The following GALNT17 variants were observed in gnomAD, a reference collection of about 807,000 sequenced individuals.
The protein encoded by GALNT17 is UDP-GalNAc:polypeptide N-acetylgalactosaminyltransferase-like 3.
GALNT17 carries 29 observed loss-of-function variants against 63.7 expected under a neutral mutation model. The observed-to-expected ratio is 0.46, with a 90% CI of 0.34 to 0.62. The LOEUF (loss-of-function observed/expected upper bound fraction) is 0.62, where lower values mean the gene tolerates loss of function less well. Among genes scored for constraint, GALNT17 ranks in the 20% least tolerant of loss-of-function variants. GALNT17 has a pLI of 0.01. For missense variants in GALNT17, 603 were observed against 799.6 expected, an observed-to-expected ratio of 0.75 and a Z score of 2.97; for synonymous variants, 305 against 318.3, an observed-to-expected ratio of 0.96 and a Z score of 0.45.
chr7:71,434,493 G>A (rs777450173), intron 5 of GALNT17, among the ~76,000 whole-genome samples: 2 of 152,144 alleles, frequency 1.3e-5, no homozygotes, highest in Non-Finnish European at 2.9e-5. Flanking sequence ...ATCCAGCCAG[G>A]GGCCAAGTGA....
chr7:71,254,032 A>G (rs945159796), intron 1 of GALNT17, among the ~76,000 whole-genome samples: 1 of 152,204 alleles, frequency 6.6e-6, no homozygotes, highest in African/African-American at 2.4e-5. Context: ...TTGGTTTTAT[A>G]TGTTTCAGGG....
intron 5 of GALNT17, among the ~76,000 whole-genome samples, chr7:71,564,014 C>G (rs1789297219): frequency 6.6e-6 from 1 of 152,130 alleles, no homozygotes; most frequent in South Asian, 2.1e-4. Flanking sequence ...CATGAGCCAC[C>G]CTGCCAGGGT....
intron 1 of GALNT17, among the ~76,000 whole-genome samples, chr7:71,201,452 G>A (rs1055512324): frequency 5.3e-5 from 8 of 151,638 alleles, no homozygotes; most frequent in South Asian, 4.2e-4. Context: ...ACTCTTACAC[G>A]GGAGGACAAT....
intron 6 of GALNT17, among the ~76,000 whole-genome samples, chr7:71,616,937 CAT>C (rs1042041008): frequency 2.0e-3 from 17 of 8,616 alleles, no homozygotes; most frequent in South Asian, 0.014. Flanking sequence ...ATTATTATAT[CAT>C]ATGGTTAATA....
chr7:71,229,162 T>G (rs990406985), intron 1 of GALNT17, among the ~76,000 whole-genome samples: 1 of 152,220 alleles, frequency 6.6e-6, no homozygotes, highest in Non-Finnish European at 1.5e-5. Flanking sequence ...GGAGGAGATA[T>G]AGCCATTTTA....
At chr7:71,594,122 G>A (rs1375122048) in intron 6 of GALNT17, among the ~76,000 whole-genome samples, 1 of 151,998 alleles carries the variant, frequency 6.6e-6, no homozygotes, top group Non-Finnish European at 1.5e-5. Context: ...ATGGTGATGG[G>A]AAATTTGGGG....
intron 6 of GALNT17, among the ~76,000 whole-genome samples, chr7:71,630,762 G>A (rs1178834969): frequency 3.3e-5 from 5 of 152,188 alleles, no homozygotes; most frequent in Non-Finnish European, 5.9e-5. Context: ...AAACAGCCAG[G>A]ACAAAGTGTT....
At chr7:71,597,463 G>A (rs1331968212) in intron 6 of GALNT17, among the ~76,000 whole-genome samples, 8 of 152,198 alleles carry the variant, frequency 5.3e-5, no homozygotes, top group Middle Eastern at 6.8e-3. Flanking sequence ...AGCTATGATT[G>A]TGCTACTGCA....
intron 1 of GALNT17, among the ~76,000 whole-genome samples, chr7:71,242,788 A>G (rs541239636): frequency 1.3e-5 from 2 of 152,318 alleles, no homozygotes; most frequent in African/African-American, 4.8e-5. Context: ...GTGTCATTTT[A>G]GGTCTCTGTC....
intron 1 of GALNT17, among the ~76,000 whole-genome samples, chr7:71,233,126 C>T (rs6974330): frequency 0.02 from 3,088 of 152,268 alleles, 80 homozygotes; most frequent in Middle Eastern, 0.048. Context: ...TTCCCGTGTT[C>T]GGCTGCTAAC....
chr7:71,673,650 T>G (rs1198230926), intron 8 of GALNT17, among the ~76,000 whole-genome samples: 1 of 152,198 alleles, frequency 6.6e-6, no homozygotes, highest in East Asian at 1.9e-4. Context: ...GACCAGCCTG[T>G]GCCCCCCAGG....
At chr7:71,524,306 T>G (rs1349460121) in intron 5 of GALNT17, among the ~76,000 whole-genome samples, 3 of 148,016 alleles carry the variant, frequency 2.0e-5, no homozygotes, top group South Asian at 2.1e-4. Context: ...ATATTAACTA[T>G]TACTATAACT....
At chr7:71,538,331 G>A (rs1208668805) in intron 5 of GALNT17, among the ~76,000 whole-genome samples, 1 of 152,132 alleles carries the variant, frequency 6.6e-6, no homozygotes, top group Non-Finnish European at 1.5e-5. Flanking sequence ...CCACGAAAGA[G>A]GAAATAACCT....
chr7:71,254,571 G>A (rs949257247), intron 1 of GALNT17, among the ~76,000 whole-genome samples: 2 of 152,036 alleles, frequency 1.3e-5, no homozygotes, highest in African/African-American at 4.8e-5. Flanking sequence ...TTTAATGCTG[G>A]TCACCTGTGC....
At chr7:71,640,062 T>C (rs11972420) in intron 6 of GALNT17, among the ~76,000 whole-genome samples, 28,303 of 152,178 alleles carry the variant, frequency 0.19, 5,630 homozygotes, top group African/African-American at 0.51. Context: ...GCCGACAAAA[T>C]GATAAATCAT....
chr7:71,514,603 C>G (rs1190213029), intron 5 of GALNT17, among the ~76,000 whole-genome samples: 4 of 152,188 alleles, frequency 2.6e-5, no homozygotes, highest in Non-Finnish European at 4.4e-5. Flanking sequence ...CCCAGGACCT[C>G]CATGCCTGTC....
chr7:71,388,316 C>T lies in GALNT17; in HGVS notation c.504C>T (p.Ile168=), dbSNP rs747598824. The part of the protein sequence containing the change: ...FIFVNEALSV[I]LRSVHSAVNH... ...TCGTGAACGAGGCCCTGTCGGTGATCCTGCGGTCCGTGCACAGTGCCGTCA... is the reference window on the plus strand; with the variant it reads ...TCGTGAACGAGGCCCTGTCGGTGATTCTGCGGTCCGTGCACAGTGCCGTCA... Residue 168 remains isoleucine (I), a synonymous_variant, in exon 3 of 11, where the codon ATC becomes ATT. Coordinates refer to ENST00000333538, the MANE Select transcript of GALNT17 (RefSeq NM_022479.3). The T allele has an allele frequency of 1.2e-6, 2 of 1,614,008 alleles. No homozygotes were observed. Among genetic ancestry groups the T allele is most frequent in the African/African-American group, 1.3e-5 (1 of 74,974 alleles).
At position 71,713,534 on chromosome 7, in the gene GALNT17, T is replaced by C. The variant is rs1339996679; in HGVS notation, c.*1388T>C. Reference sequence around the variant, plus strand: ...TCGCAGTGTCTCATTTGGTGACGTCTTACTGGTGATCATCTCCTCACCCCA... The same window carrying C: ...TCGCAGTGTCTCATTTGGTGACGTCCTACTGGTGATCATCTCCTCACCCCA... On this transcript the variant is annotated 3_prime_UTR_variant, in exon 11 of 11. Coordinates refer to ENST00000333538, the MANE Select transcript of GALNT17 (RefSeq NM_022479.3). 6.6e-6 allele frequency: 1 copy of C among 152,374 alleles called. No individual in the cohort carries two copies. Among genetic ancestry groups the C allele is most frequent in the African/African-American group, 2.4e-5 (1 of 41,420 alleles). 9.4% of individuals were successfully genotyped at this position (152,374 alleles called of 1,614,324 possible).
chr7:71,132,674 G>A lies in GALNT17; in HGVS notation c.-129G>A. ...TCCGCCGCCCGAGCATCCTTGAGGTGGGACGAGCAGGGGCTTGGATCCCTG... is the reference window on the plus strand; with the variant it reads ...TCCGCCGCCCGAGCATCCTTGAGGTAGGACGAGCAGGGGCTTGGATCCCTG... On this transcript the variant is annotated 5_prime_UTR_variant, in exon 1 of 11. Coordinates refer to ENST00000333538, the MANE Select transcript of GALNT17 (RefSeq NM_022479.3). 1 of 733,710 alleles carries A rather than the reference G, an allele frequency of 1.4e-6. No individual in the cohort carries two copies. Among genetic ancestry groups the A allele is most frequent in the Non-Finnish European group, 2.2e-6 (1 of 461,982 alleles). The allele number at this position is 733,710 out of a possible 1,614,324, so 45.4% of individuals were successfully genotyped here. A position where few individuals can be genotyped will look rare whatever the true frequency, so the allele number is the denominator to read the frequency against.
Sources: gnomAD v4.1 joint callset for allele counts (sites outside exome capture counted in the v4.1 genomes callset) on GRCh38, gnomAD v4.1.1 for gene constraint, MANE v1.5 for transcripts, NCBI Gene and HGNC (gene_info 2026-07-23, HGNC 2026-07-21) for gene names.